IFT122: variants seen among roughly 807,000 people sequenced by gnomAD.
IFT122 encodes the protein intraflagellar transport protein 122 homolog.
In IFT122, 118 loss-of-function variants were observed where a neutral mutation model predicts 161.6. The ratio of observed to expected loss-of-function variants is 0.73; its 90% confidence interval spans 0.63 to 0.85. The LOEUF (loss-of-function observed/expected upper bound fraction) is 0.85. IFT122 is among the 40% of genes least tolerant of loss of function. IFT122 has a pLI of 0.00. For missense variants in IFT122, 1,381 were observed against 1,579.6 expected (o/e 0.87, Z 2.13); for synonymous variants, 550 against 602.4 (o/e 0.91, Z 1.27).
Position 129,476,143 on chromosome 3 carries a change from C to G in IFT122, c.817-172C>G, listed in dbSNP as rs72988847. The G allele has an allele frequency of 0.021, 15,036 of 700,010 alleles. 837 individuals carry two copies. The highest frequency in any genetic ancestry group is 0.12 in the African/African-American group (6,581 of 56,958). 43.4% of individuals were successfully genotyped at this position (700,010 alleles called of 1,614,324 possible). On this transcript the variant is annotated intron_variant, in intron 9 of 29. Coordinates refer to ENST00000348417, the MANE Select transcript of IFT122 (RefSeq NM_052989.3). ...TGTGTAGAGGATGAGTAGGGAGATGCAGAGGCAGAGAGGCCTGTGTTCACC... is the reference window on the plus strand; with the variant it reads ...TGTGTAGAGGATGAGTAGGGAGATGGAGAGGCAGAGAGGCCTGTGTTCACC...
At position 129,502,711 on chromosome 3, in the gene IFT122, G is replaced by A. The variant is rs905246078; in HGVS notation, c.2376G>A (p.Met792Ile). The change falls in exon 20 of 30, where the codon ATG becomes ATA. Residue 792 changes from methionine to isoleucine, a missense_variant and splice_region_variant. Physicochemically the swap from Met to Ile is conservative, Grantham distance 10. Around this residue, in one of 7 missense-constraint regions of IFT122, gnomAD observed 496 missense variants for 502.5 expected, o/e 0.99. Coordinates refer to ENST00000348417, the MANE Select transcript of IFT122 (RefSeq NM_052989.3). ...EICGDHGWVD[M>I]LIDIARKLDK... ...TCCTACCTGCCCCTTCCCTCTCCAG[G>A]TTGATCGACATCGCCCGCAAACTGG... 2 of 1,606,216 alleles carry A rather than the reference G, an allele frequency of 1.2e-6. No individual in the cohort carries two copies. The highest frequency in any genetic ancestry group is 2.7e-5 in the African/African-American group (2 of 74,934).
intron 20 of IFT122, chr3:129,504,033 C>T (rs2081927644): frequency 2.3e-6 from 1 of 430,058 alleles, no homozygotes; most frequent in African/African-American, 2.0e-5. Flanking sequence ...CCCACGCAAA[C>T]CCTCAAAATA....
intron 16 of IFT122, 146 bp from the exon 17 acceptor site, chr3:129,491,995 C>T: frequency 1.3e-6 from 1 of 754,928 alleles, no homozygotes; most frequent in South Asian, 1.4e-5. Flanking sequence ...TAACCTCCTG[C>T]ACGCACGATG....
Position 129,444,259 on chromosome 3 carries a change from G to T in IFT122, c.41+3888G>T, listed in dbSNP as rs112078967. Among the ~76,000 whole-genome samples the T allele has an allele frequency of 4.1e-3, 627 of 152,336 alleles. 5 individuals are homozygous for T. The highest frequency in any genetic ancestry group is 0.015 in the African/African-American group (610 of 41,574). ...TGAAATGTGCCAAGGCTCAGAGGAA[G>T]AAAGCGTAAGAAACAAGGAAGGCCC... is the stretch of plus-strand genomic sequence containing the variant. On this transcript the variant is annotated intron_variant, in intron 1 of 29. Transcript: ENST00000348417.
chr3:129,502,980 G>A (rs542044635), intron 20 of IFT122, 98 bp downstream of exon 20: 3 of 1,155,304 alleles, frequency 2.6e-6, no homozygotes, highest in African/African-American at 3.1e-5. Flanking sequence ...ATGGAGAGAA[G>A]CTGCCCTCGT....
At chr3:129,517,401 C>T in intron 26 of IFT122, 68 bp from the exon 27 acceptor site, 1 of 1,600,438 alleles carries the variant, frequency 6.2e-7, no homozygotes, top group Non-Finnish European at 8.5e-7. Flanking sequence ...TGTGGTCACC[C>T]CACCTGCCTG....
intron 16 of IFT122, among the ~76,000 whole-genome samples, chr3:129,491,199 C>T (rs903124996): frequency 2.6e-5 from 4 of 152,168 alleles, no homozygotes; most frequent in African/African-American, 7.2e-5. Flanking sequence ...TGCTCATCTC[C>T]CGAGGTCTTT....
At chr3:129,448,869 T>C (rs1205469557) in intron 1 of IFT122, among the ~76,000 whole-genome samples, 2 of 151,982 alleles carry the variant, frequency 1.3e-5, no homozygotes, top group Non-Finnish European at 2.9e-5. Context: ...CAGCTAATTT[T>C]TGTATTTTTG....
rs772070215 is a variant in IFT122 at position 129,451,876 on chromosome 3, A to G, written c.109-38A>G. 4 of 1,518,458 alleles carry G rather than the reference A, an allele frequency of 2.6e-6. No homozygotes were observed. The African/African-American group carries it at 5.5e-5, about 21-fold the overall frequency. The allele number at this position is 1,518,458 out of a possible 1,614,324, so 94.1% of individuals were successfully genotyped here. ...ACCCTGCAGGAATTCTGACTAATAGATATCACATAGATAATCTGTATTTGT... is the reference window on the plus strand; with the variant it reads ...ACCCTGCAGGAATTCTGACTAATAGGTATCACATAGATAATCTGTATTTGT... On this transcript the variant is annotated intron_variant, in intron 2 of 29. Coordinates refer to ENST00000348417, the MANE Select transcript of IFT122 (RefSeq NM_052989.3).
In IFT122 at chr3:129,499,236, T is replaced by G. The variant is rs35973459; in HGVS notation, c.2209-666T>G. The stretch of plus-strand genomic sequence containing the variant: ...GCTGAGAAGCAACTAACCAGAGAGA[T>G]GTTTGCTTGTTATCTGTTCCAGGAA... On this transcript the variant is annotated intron_variant, in intron 18 of 29. Coordinates refer to ENST00000348417, the MANE Select transcript of IFT122 (RefSeq NM_052989.3). Among the ~76,000 whole-genome samples the G allele has an allele frequency of 7.4e-4, 113 of 152,190 alleles. 1 individual carries two copies. The Middle Eastern group carries it at 0.014, about 18-fold the overall frequency.
intron 18 of IFT122, among the ~76,000 whole-genome samples, chr3:129,496,722 C>T (rs556217320): frequency 1.2e-4 from 18 of 152,286 alleles, no homozygotes; most frequent in African/African-American, 3.1e-4. Flanking sequence ...GATTTCTTCA[C>T]TCCGTACCTG....
At chr3:129,493,815 C>T (rs1441262131) in intron 17 of IFT122, among the ~76,000 whole-genome samples, 3 of 152,230 alleles carry the variant, frequency 2.0e-5, no homozygotes, top group Non-Finnish European at 4.4e-5. Flanking sequence ...AAAGTAACTG[C>T]TGTGGGGTCC....
rs112066509 is a variant in IFT122 at position 129,483,473 on chromosome 3, C to T, written c.1654-12C>T. ...TGGTTCTCACAGGATCCCCACTGTC[C>T]CTGTTCCCCAGGAACCAAACGCCAA... On this transcript the variant is annotated splice_polypyrimidine_tract_variant and intron_variant, in intron 14 of 29. Transcript: ENST00000348417. 0.11 allele frequency: 177,153 copies of T among 1,612,952 alleles called. 11,848 individuals are homozygous for T. The highest frequency in any genetic ancestry group is 0.25 in the South Asian group (22,557 of 90,990).
chr3:129,516,974 A>G (rs1373261590), intron 26 of IFT122, among the ~76,000 whole-genome samples: 1 of 142,916 alleles, frequency 7.0e-6, no homozygotes, highest in Non-Finnish European at 1.5e-5. Context: ...ACACACACAC[A>G]CACAGACTGC....
chr3:129,484,777 T>C (rs1246295685), intron 15 of IFT122, among the ~76,000 whole-genome samples: 2 of 152,258 alleles, frequency 1.3e-5, no homozygotes, highest in African/African-American at 2.4e-5. Flanking sequence ...AATGTTCTTA[T>C]TCTGCATGGC....
chr3:129,484,098 G>T (rs911131734), intron 15 of IFT122, among the ~76,000 whole-genome samples: 2 of 151,998 alleles, frequency 1.3e-5, no homozygotes, highest in African/African-American at 2.4e-5. Flanking sequence ...ATGAGTGGGT[G>T]GGGGGTGTGG....
At chr3:129,484,354 T>C (rs1371539274) in intron 15 of IFT122, among the ~76,000 whole-genome samples, 2 of 152,172 alleles carry the variant, frequency 1.3e-5, no homozygotes, top group Non-Finnish European at 2.9e-5. Context: ...AGCGAGAAAC[T>C]GTAGCCTTCA....
At chr3:129,482,276 C>T (rs1445632634) in intron 14 of IFT122, among the ~76,000 whole-genome samples, 2 of 152,212 alleles carry the variant, frequency 1.3e-5, no homozygotes, top group African/African-American at 4.8e-5. Context: ...GCCCTGTGGC[C>T]TGAGGAAGTG....
chr3:129,476,712 G>T lies in IFT122; in HGVS notation c.1058G>T (p.Ser353Ile). The part of the protein sequence containing the change: ...GTISFYQLIF[S>I]TVHGLYKDRY... ...ATTTCCTTCTACCAGCTTATTTTCA[G>T]CACAGTCCATGGGCTTTACAAGGAC... The change falls in exon 11 of 30, where the codon AGC becomes ATC. Residue 353 changes from serine (S) to isoleucine (I), a missense_variant. Transcript: ENST00000348417. 6.2e-7 allele frequency: 1 copy of T among 1,614,194 alleles called. No individual in the cohort carries two copies. Among genetic ancestry groups the T allele is most frequent in the South Asian group, 1.1e-5 (1 of 91,080 alleles).
Sources: allele counts gnomAD v4.1 joint callset (sites outside exome capture counted in the v4.1 genomes callset), GRCh38; gene constraint gnomAD v4.1.1; regional missense constraint gnomAD v4.1.1; transcripts MANE v1.5; gene names NCBI Gene and HGNC (gene_info 2026-07-23, HGNC 2026-07-21).